LCA5: variants seen among roughly 807,000 people sequenced by gnomAD.
LCA5 encodes the protein lebercilin LCA5.
Under a neutral mutation model 53.0 loss-of-function variants are expected in LCA5, and 37 were observed. The observed-to-expected ratio is 0.70, with a 90% CI of 0.54 to 0.92. The LOEUF is 0.92. Ranked by LOEUF, LCA5 falls within the 40% of genes least tolerant of loss-of-function variation. The pLI is 0.00. For missense variants in LCA5, 806 were observed against 790.5 expected, an observed-to-expected ratio of 1.02 and a Z score of -0.23; for synonymous variants, 303 against 282.9, an observed-to-expected ratio of 1.07 and a Z score of -0.71.
intron 3 of LCA5, among the ~76,000 whole-genome samples, chr6:79,496,337 AG>A (rs1769984192): frequency 6.6e-6 from 1 of 152,226 alleles, no homozygotes; most frequent in South Asian, 2.1e-4. Flanking sequence ...CACAGGAGAA[AG>A]AAAAGCCAGT....
chr6:79,530,689 C>T lies in LCA5; in HGVS notation c.-192+6476G>A, dbSNP rs117039119. Among the ~76,000 whole-genome samples, 676 of 152,102 alleles carry T rather than the reference C, an allele frequency of 4.4e-3. 2 individuals are homozygous for T. The highest frequency in any genetic ancestry group is 7.8e-3 in the Non-Finnish European group (532 of 67,998). The stretch of plus-strand genomic sequence containing the variant: ...GTACATCCTTAGGAAATATAACAAC[C>T]CAAATAACTTAACTTTCCTAGAGAA... On this transcript the variant is annotated intron_variant, in intron 1 of 7. Transcript: ENST00000369846.
intron 1 of LCA5, among the ~76,000 whole-genome samples, chr6:79,519,632 G>T (rs994195764): frequency 6.7e-6 from 1 of 149,984 alleles, no homozygotes; most frequent in East Asian, 2.0e-4. Context: ...CAGGAGAATC[G>T]CTCGAACCCA....
intron 3 of LCA5, among the ~76,000 whole-genome samples, chr6:79,509,738 A>G (rs1301051872): frequency 6.6e-6 from 1 of 152,210 alleles, no homozygotes; most frequent in Admixed American, 6.5e-5. Context: ...TAATTCAGTA[A>G]GAATTGAGAG....
chr6:79,508,467 AC>A (rs1582634782), intron 3 of LCA5, among the ~76,000 whole-genome samples: 1 of 151,790 alleles, frequency 6.6e-6, no homozygotes, highest in Non-Finnish European at 1.5e-5. Context: ...AAGACACTTC[AC>A]CCCACCCCCA....
chr6:79,492,519 T>C, intron 5 of LCA5, 32 bp downstream of exon 5: 1 of 1,018,566 alleles, frequency 9.8e-7, no homozygotes, highest in Non-Finnish European at 1.5e-6. Context: ...ATAGCAATAA[T>C]ATCAGTTTTT....
chr6:79,524,270 C>T (rs1766716189), intron 1 of LCA5, among the ~76,000 whole-genome samples: 2 of 152,126 alleles, frequency 1.3e-5, no homozygotes, highest in Non-Finnish European at 2.9e-5. Context: ...TCATTTAGAC[C>T]ATGTCATGTT....
At chr6:79,521,866 G>T (rs1245186140) in intron 1 of LCA5, among the ~76,000 whole-genome samples, 1 of 152,058 alleles carries the variant, frequency 6.6e-6, no homozygotes, top group Non-Finnish European at 1.5e-5. Context: ...AGAAAGCAAG[G>T]ACGCTATCAG....
intron 2 of LCA5, among the ~76,000 whole-genome samples, chr6:79,515,057 T>C (rs1048408107): frequency 1.4e-4 from 21 of 152,106 alleles, no homozygotes; most frequent in Admixed American, 8.5e-4. Context: ...AAATGTATGT[T>C]TTCTCTACAT....
chr6:79,498,823 G>T (rs1770053484), intron 3 of LCA5, among the ~76,000 whole-genome samples: 1 of 151,984 alleles, frequency 6.6e-6, no homozygotes, highest in African/African-American at 2.4e-5. Flanking sequence ...TTTCAGTGGT[G>T]AAATCTAACA....
At chr6:79,495,069 G>A (rs1044776220) in intron 3 of LCA5, among the ~76,000 whole-genome samples, 2 of 152,204 alleles carry the variant, frequency 1.3e-5, no homozygotes, top group Admixed American at 6.5e-5. Context: ...GAGTGGCAGC[G>A]AGCAAGCGCG....
At chr6:79,532,665 CCTT>C (rs2127690965) in intron 1 of LCA5, among the ~76,000 whole-genome samples, 1 of 152,270 alleles carries the variant, frequency 6.6e-6, no homozygotes, top group East Asian at 1.9e-4. Context: ...ACAAATGTCA[CCTT>C]CTCAAAAATG....
In LCA5 at chr6:79,533,054, T is replaced by G. The variant is rs1187793701; in HGVS notation, c.-192+4111A>C. Among the ~76,000 whole-genome samples, 3 of 152,272 alleles carry G rather than the reference T, an allele frequency of 2.0e-5. No individual in the cohort carries two copies. In the South Asian group the frequency reaches 6.2e-4, roughly 32 times the overall value. On this transcript the variant is annotated intron_variant, in intron 1 of 7. Coordinates refer to ENST00000369846, the MANE Select transcript of LCA5 (RefSeq NM_001122769.3). ...GAAAAGTTAGCAAATCAAAAAGTTTTCCTCAGAGTCACTGCCATTGCAAAG... is the reference window on the plus strand; with the variant it reads ...GAAAAGTTAGCAAATCAAAAAGTTTGCCTCAGAGTCACTGCCATTGCAAAG...
In LCA5 at chr6:79,497,205, C is replaced by T. The variant is rs760826305; in HGVS notation, c.721-3455G>A. On this transcript the variant is annotated intron_variant, in intron 3 of 7. Coordinates refer to ENST00000369846, the MANE Select transcript of LCA5 (RefSeq NM_001122769.3). ...TACCGGATCAGAAAAGAATCATCAACGGATGCTAAATTTTCATGAGGAACA... is the reference window on the plus strand; with the variant it reads ...TACCGGATCAGAAAAGAATCATCAATGGATGCTAAATTTTCATGAGGAACA... Among the ~76,000 whole-genome samples, 274 of 152,202 alleles carry T rather than the reference C, an allele frequency of 1.8e-3. 3 individuals carry two copies. Among genetic ancestry groups the T allele is most frequent in the African/African-American group, 7.5e-4 (31 of 41,532 alleles).
chr6:79,497,970 A>AG (rs1487063310), intron 3 of LCA5, among the ~76,000 whole-genome samples: 5 of 151,672 alleles, frequency 3.3e-5, no homozygotes, highest in Non-Finnish European at 7.4e-5. Flanking sequence ...AAAAAAAAAA[A>AG]AAAGAAAGAT....
intron 1 of LCA5, among the ~76,000 whole-genome samples, chr6:79,527,627 C>T (rs748071360): frequency 2.8e-4 from 42 of 152,160 alleles, no homozygotes; most frequent in Non-Finnish European, 5.3e-4. Flanking sequence ...ACGGTAAACA[C>T]GGGGTGGGTA....
Position 79,521,918 on chromosome 6 carries a change from A to G in LCA5, c.-191-2833T>C, listed in dbSNP as rs183257098. On this transcript the variant is annotated intron_variant, in intron 1 of 7. Transcript: ENST00000369846. The stretch of plus-strand genomic sequence containing the variant: ...GTCAGTCAAATGGACTCAGGAGCCA[A>G]CTTCAAGGAACTACTTGCCAAAGAC... 1.7e-3 allele frequency among the ~76,000 whole-genome samples: 259 copies of G among 152,318 alleles called. 1 individual carries two copies. The highest frequency in any genetic ancestry group is 6.8e-3 in the Middle Eastern group (2 of 294).
chr6:79,497,743 C>G (rs2655676), intron 3 of LCA5, among the ~76,000 whole-genome samples: 75,386 of 151,812 alleles, frequency 0.5, 20,093 homozygotes, highest in East Asian at 0.81. Flanking sequence ...GGGAGGCCGA[C>G]GCGGGCAGAT....
At chr6:79,492,994 T>G (rs1299856371) in intron 4 of LCA5, among the ~76,000 whole-genome samples, 1 of 151,990 alleles carries the variant, frequency 6.6e-6, no homozygotes, top group African/African-American at 2.4e-5. Context: ...TATTGATGAG[T>G]TAAAAATTAG....
chr6:79,498,982 C>T (rs1052004125), intron 3 of LCA5, among the ~76,000 whole-genome samples: 1 of 151,954 alleles, frequency 6.6e-6, no homozygotes, highest in African/African-American at 2.4e-5. Context: ...GCAAAAGTCT[C>T]AAACAAATAT....
Sources: gnomAD v4.1 joint callset for allele counts (sites outside exome capture counted in the v4.1 genomes callset) on GRCh38, gnomAD v4.1.1 for gene constraint, MANE v1.5 for transcripts, NCBI Gene and HGNC (gene_info 2026-07-23, HGNC 2026-07-21) for gene names.